The following BTD variants were observed in gnomAD, a reference collection of about 807,000 sequenced individuals.
BTD encodes biotinidase, also known as biocytinase.
A neutral mutation model predicts 17.7 loss-of-function variants in BTD; 13 were observed. That is an observed-to-expected ratio of 0.74 (90% CI 0.48 to 1.17). The LOEUF (loss-of-function observed/expected upper bound fraction) is 1.17. Among genes scored for constraint, BTD ranks in the 50% most tolerant of loss-of-function variants. The pLI is 0.00. For missense variants in BTD, 674 were observed against 650.4 expected (o/e 1.04, Z -0.39); for synonymous variants, 240 against 245.2 (o/e 0.98, Z 0.20).
intron 3 of BTD, chr3:15,677,453 A>G (rs1273701342): frequency 6.5e-7 from 1 of 1,542,988 alleles, no homozygotes; most frequent in Non-Finnish European, 8.9e-7. Flanking sequence ...TTAACAATGG[A>G]AACATATTCT....
chr3:15,643,040 A>AT (rs1281711794), intron 3 of BTD, among the ~76,000 whole-genome samples: 4,490 of 130,092 alleles, frequency 0.035, 278 homozygotes, highest in African/African-American at 0.13. Flanking sequence ...AAAAAAAAAA[A>AT]AAAATAAAAT....
downstream of BTD, among the ~76,000 whole-genome samples, chr3:15,714,353 AAC>A (rs201506451): frequency 6.6e-4 from 100 of 152,200 alleles, 4 homozygotes; most frequent in East Asian, 0.019. Flanking sequence ...CTGAAGAAAT[AAC>A]ACAGTTCAGG....
chr3:15,629,945 C>A, intron 1 of BTD: 4 of 580,538 alleles, frequency 6.9e-6, no homozygotes, highest in Non-Finnish European at 8.7e-6. Context: ...GATATTCAAA[C>A]GGTTTATATT....
At chr3:15,712,804 AAGAAGGCCTAAATTTCTATCT>A (rs2072489987), downstream of BTD, among the ~76,000 whole-genome samples, 1 of 152,256 alleles carries the variant, frequency 6.6e-6, no homozygotes, top group Non-Finnish European at 1.5e-5. Flanking sequence ...ACAGATGTGA[AAGAAGGCCTAAATTTCTATCT>A]AGATGGCTAA....
intron 3 of BTD, among the ~76,000 whole-genome samples, chr3:15,677,774 G>A (rs1377132619): frequency 6.6e-6 from 1 of 152,068 alleles, no homozygotes; most frequent in Non-Finnish European, 1.5e-5. Context: ...TCTAACAATG[G>A]CAATTAACAT....
intron 3 of BTD, among the ~76,000 whole-genome samples, chr3:15,660,528 C>A (rs2065911531): frequency 6.6e-6 from 1 of 152,168 alleles, no homozygotes; most frequent in South Asian, 2.1e-4. Context: ...TAAGAAGCCA[C>A]CAAGGATCAC....
chr3:15,702,359 AG>A (rs1293728437), intron 3 of BTD, among the ~76,000 whole-genome samples: 1 of 152,230 alleles, frequency 6.6e-6, no homozygotes, highest in African/African-American at 2.4e-5. Flanking sequence ...GGGTGGGGGC[AG>A]AAGAGTCTGT....
intron 1 of BTD, among the ~76,000 whole-genome samples, chr3:15,631,074 A>G (rs997274499): frequency 3.3e-5 from 5 of 152,260 alleles, no homozygotes; most frequent in Admixed American, 3.3e-4. Flanking sequence ...TTTATGTAAA[A>G]GAATTTAGAC....
intron 3 of BTD, among the ~76,000 whole-genome samples, chr3:15,702,105 C>T (rs994321184): frequency 1.3e-5 from 2 of 152,150 alleles, no homozygotes; most frequent in African/African-American, 2.4e-5. Context: ...TCTGGGTAAG[C>T]ATTATCTCTA....
intron 3 of BTD, among the ~76,000 whole-genome samples, chr3:15,661,480 TG>T (rs372772704): frequency 1.2e-4 from 18 of 152,290 alleles, no homozygotes; most frequent in African/African-American, 3.6e-4. Flanking sequence ...TTAAGGTTTT[TG>T]GTCCAATTTT....
At chr3:15,601,740 C>G (rs930703346), upstream of BTD, 1 of 1,582,748 alleles carries the variant, frequency 6.3e-7, no homozygotes, top group South Asian at 1.1e-5. Context: ...GGAGGCGGGA[C>G]TAGCAGGAGA....
intron 2 of BTD, among the ~76,000 whole-genome samples, chr3:15,638,556 A>G (rs893718508): frequency 1.3e-5 from 2 of 152,254 alleles, no homozygotes; most frequent in African/African-American, 4.8e-5. Flanking sequence ...TATATGTTTT[A>G]AAACAACTTC....
intron 1 of BTD, chr3:15,606,673 G>T (rs2064464502): frequency 6.6e-6 from 1 of 152,234 alleles, no homozygotes; most frequent in South Asian, 2.1e-4. Flanking sequence ...CATTGGGATT[G>T]TTTAAACTTG....
intron 1 of BTD, among the ~76,000 whole-genome samples, chr3:15,624,966 T>C (rs1258337968): frequency 1.3e-5 from 2 of 152,200 alleles, no homozygotes; most frequent in Non-Finnish European, 2.9e-5. Flanking sequence ...CTCCTGGCCT[T>C]AAGCTCCTTA....
intron 1 of BTD, among the ~76,000 whole-genome samples, chr3:15,607,541 G>A (rs556332435): frequency 2.6e-5 from 4 of 152,358 alleles, no homozygotes; most frequent in East Asian, 1.9e-4. Context: ...AATTGGGATA[G>A]TGCATTTTAA....
rs2065761988 is a variant in BTD at position 15,649,313 on chromosome 3, T to A, written c.*3825T>A. Among the ~76,000 whole-genome samples the A allele has an allele frequency of 6.6e-6, 1 of 152,222 alleles. No homozygotes were observed. Among genetic ancestry groups the A allele is most frequent in the Non-Finnish European group, 1.5e-5 (1 of 68,038 alleles). Reference sequence around the variant, plus strand: ...AGCACAGGTGGAGCCATGATGTCTTTTATTAACTAGTCTCAGAAGTCACAC... The same window carrying A: ...AGCACAGGTGGAGCCATGATGTCTTATATTAACTAGTCTCAGAAGTCACAC... On this transcript the variant is annotated 3_prime_UTR_variant, in exon 4 of 4. Transcript: ENST00000643237.
chr3:15,620,376 G>A (rs1160123365), intron 1 of BTD, among the ~76,000 whole-genome samples: 6 of 152,122 alleles, frequency 3.9e-5, no homozygotes, highest in African/African-American at 1.4e-4. Flanking sequence ...TTCCTTGCTA[G>A]GAAAAGAATT....
intron 1 of BTD, among the ~76,000 whole-genome samples, chr3:15,619,975 C>A (rs950801860): frequency 1.1e-4 from 17 of 152,104 alleles, no homozygotes; most frequent in African/African-American, 3.6e-4. Context: ...GGGCAAAAAG[C>A]AGAACCACTG....
At position 15,641,914 on chromosome 3, in the gene BTD, CA is replaced by C. The variant is rs2065520752; in HGVS notation, c.257del (p.Gln86ArgfsTer3). 1 of 1,608,978 alleles carries C rather than the reference CA, an allele frequency of 6.2e-7. No individual in the cohort carries two copies. Among genetic ancestry groups the C allele is most frequent in the African/African-American group, 1.3e-5 (1 of 74,848 alleles). ...TTGATGTTTTCATTTTCAGGATGTA[CA>C]GATTATAGTGTTTCCAGAAGATGGC... ...QVMTAAQKDV[Q>X]IIVFPEDGIH... On this transcript the variant is annotated frameshift_variant, in exon 3 of 4. Coordinates refer to ENST00000643237, the MANE Select transcript of BTD (RefSeq NM_001370658.1). LOFTEE classifies it high-confidence loss of function.
Sources: gnomAD v4.1 joint callset for allele counts (sites outside exome capture counted in the v4.1 genomes callset) on GRCh38, gnomAD v4.1.1 for gene constraint, MANE v1.5 for transcripts, NCBI Gene and HGNC (gene_info 2026-07-23, HGNC 2026-07-21) for gene names.